TBC1D5: variants seen among roughly 807,000 people sequenced by gnomAD.
TBC1D5 encodes the protein TBC1 domain family member 5.
Under a neutral mutation model 100.3 loss-of-function variants are expected in TBC1D5, and 75 were observed. That is an observed-to-expected ratio of 0.75 (90% confidence interval 0.62 to 0.91). TBC1D5 has a LOEUF of 0.91. TBC1D5 is among the 40% of genes least tolerant of loss of function. TBC1D5 has a pLI of 0.00. For synonymous variants in TBC1D5, 323 were observed against 325.6 expected (o/e 0.99, Z 0.09); for missense variants, 910 against 942.4 (o/e 0.97, Z 0.45).
intron 1 of TBC1D5, among the ~76,000 whole-genome samples, chr3:17,729,207 G>A (rs755992864): frequency 6.6e-6 from 1 of 151,846 alleles, no homozygotes; most frequent in Non-Finnish European, 1.5e-5. Flanking sequence ...AAAAGCTGAG[G>A]TATAAATTAT....
intron 3 of TBC1D5, among the ~76,000 whole-genome samples, chr3:17,448,509 G>T (rs577675455): frequency 1.3e-5 from 2 of 152,310 alleles, no homozygotes; most frequent in Middle Eastern, 3.4e-3. Flanking sequence ...TAAATAATAA[G>T]ATGTGAAAGT....
At chr3:17,666,159 T>C (rs1166382551) in intron 1 of TBC1D5, among the ~76,000 whole-genome samples, 2 of 152,238 alleles carry the variant, frequency 1.3e-5, no homozygotes, top group Non-Finnish European at 2.9e-5. Context: ...TGAAAATTCA[T>C]GGCAATTGTT....
At chr3:17,717,887 A>C (rs985448714) in intron 1 of TBC1D5, among the ~76,000 whole-genome samples, 1 of 152,162 alleles carries the variant, frequency 6.6e-6, no homozygotes, top group Non-Finnish European at 1.5e-5. Flanking sequence ...TGATATTTTT[A>C]ATTTTTTTTT....
intron 1 of TBC1D5, among the ~76,000 whole-genome samples, chr3:17,652,347 T>C (rs374323548): frequency 6.6e-6 from 1 of 152,130 alleles, no homozygotes; most frequent in Non-Finnish European, 1.5e-5. Context: ...AAATTATTTA[T>C]AAAGGAAGGC....
chr3:17,721,238 A>C (rs1003025295), intron 1 of TBC1D5, among the ~76,000 whole-genome samples: 1 of 152,216 alleles, frequency 6.6e-6, no homozygotes, highest in Non-Finnish European at 1.5e-5. Flanking sequence ...ATTTTATAGA[A>C]ATAAGTATTC....
At chr3:17,186,480 AG>A (rs2069085332) in intron 18 of TBC1D5, among the ~76,000 whole-genome samples, 1 of 152,058 alleles carries the variant, frequency 6.6e-6, no homozygotes, top group African/African-American at 2.4e-5. Context: ...AGGCAGAGGC[AG>A]GCAGATCACT....
At chr3:17,347,675 AGT>A (rs746210946) in intron 13 of TBC1D5, among the ~76,000 whole-genome samples, 221 of 152,218 alleles carry the variant, frequency 1.5e-3, no homozygotes, top group Middle Eastern at 3.4e-3. Context: ...AATCAAAGAA[AGT>A]CTGAGCTCGG....
chr3:17,673,034 G>A (rs573696697), intron 1 of TBC1D5, among the ~76,000 whole-genome samples: 1 of 152,274 alleles, frequency 6.6e-6, no homozygotes, highest in South Asian at 2.1e-4. Flanking sequence ...AGTAACCGTT[G>A]AGGAATAACG....
chr3:17,613,081 T>C (rs775516943), intron 2 of TBC1D5, among the ~76,000 whole-genome samples: 5 of 152,116 alleles, frequency 3.3e-5, no homozygotes, highest in Non-Finnish European at 7.4e-5. Context: ...TTCCCTTCCC[T>C]GTGTCCAAGT....
In TBC1D5 at chr3:17,668,622, G is replaced by A. The variant is rs373537736; in HGVS notation, c.-100-44709C>T. 3.3e-5 allele frequency among the ~76,000 whole-genome samples: 5 copies of A among 152,136 alleles called. No homozygotes were observed. The South Asian group carries it at 8.3e-4, about 25-fold the overall frequency. ...AAGCTAGAAGGGAGGCAATATGCAG[G>A]GGTTTCAAACTGGCATCCATAGGCC... On this transcript the variant is annotated intron_variant, in intron 1 of 21. Coordinates refer to ENST00000253692, the Ensembl canonical transcript of TBC1D5.
At chr3:17,423,949 T>G (rs558884812) in intron 4 of TBC1D5, among the ~76,000 whole-genome samples, 99 of 152,242 alleles carry the variant, frequency 6.5e-4, no homozygotes, top group Non-Finnish European at 1.3e-3. Context: ...TTACCACAAA[T>G]TTTTGGCTAT....
chr3:17,568,631 TA>T (rs1472542671), intron 2 of TBC1D5, among the ~76,000 whole-genome samples: 2 of 151,622 alleles, frequency 1.3e-5, no homozygotes, highest in Non-Finnish European at 3.0e-5. Flanking sequence ...CTTTTAAGAA[TA>T]AAAAGGAACT....
intron 1 of TBC1D5, among the ~76,000 whole-genome samples, chr3:17,704,493 G>C (rs2073696316): frequency 7.6e-6 from 1 of 131,396 alleles, no homozygotes. Flanking sequence ...TCCCAGTAGG[G>C]GCGGCCGGGC....
intron 14 of TBC1D5, among the ~76,000 whole-genome samples, chr3:17,301,700 A>G (rs1260982493): frequency 6.6e-6 from 1 of 152,240 alleles, no homozygotes; most frequent in Non-Finnish European, 1.5e-5. Context: ...ATAGGATTGC[A>G]AAGTGTGAAA....
At chr3:17,259,421 A>G (rs2078059421) in intron 15 of TBC1D5, among the ~76,000 whole-genome samples, 4 of 152,190 alleles carry the variant, frequency 2.6e-5, no homozygotes, top group Admixed American at 2.6e-4. Context: ...ACAAAAACCA[A>G]TCATGTTTAC....
At chr3:17,722,901 T>C (rs563569915) in intron 1 of TBC1D5, among the ~76,000 whole-genome samples, 1 of 152,164 alleles carries the variant, frequency 6.6e-6, no homozygotes, top group African/African-American at 2.4e-5. Context: ...AGAAATGTAT[T>C]TGGGACTGGG....
chr3:17,674,661 T>C (rs1161259596), intron 1 of TBC1D5, among the ~76,000 whole-genome samples: 2 of 152,152 alleles, frequency 1.3e-5, no homozygotes, highest in Non-Finnish European at 2.9e-5. Flanking sequence ...TACAATAACA[T>C]AATTATACTT....
intron 4 of TBC1D5, among the ~76,000 whole-genome samples, chr3:17,412,969 A>G (rs1366792211): frequency 1.3e-5 from 2 of 152,178 alleles, no homozygotes; most frequent in Admixed American, 6.6e-5. Context: ...GCCCATGGAC[A>G]TGCAGATAAC....
chr3:17,577,091 T>C (rs972406679), intron 2 of TBC1D5, among the ~76,000 whole-genome samples: 10 of 152,028 alleles, frequency 6.6e-5, no homozygotes, highest in African/African-American at 2.2e-4. Context: ...AGTAAAAGGC[T>C]ATTATATGTA....
Sources: gnomAD v4.1 joint callset for allele counts (sites outside exome capture counted in the v4.1 genomes callset) on GRCh38, gnomAD v4.1.1 for gene constraint, MANE v1.5 for transcripts, NCBI Gene and HGNC (gene_info 2026-07-23, HGNC 2026-07-21) for gene names.